FHIT: variants seen among roughly 807,000 people sequenced by gnomAD.
FHIT encodes the protein bis(5'-adenosyl)-triphosphatase.
FHIT carries 19 observed loss-of-function variants against 17.9 expected under a neutral mutation model. That is an observed-to-expected ratio of 1.06 (90% CI 0.74 to 1.56). The LOEUF is 1.56. Ranked by LOEUF, FHIT falls within the 40% of genes most tolerant of loss-of-function variation. The pLI is 0.00. For synonymous variants in FHIT, 81 were observed against 69.7 expected (o/e 1.16, Z -0.81); for missense variants, 248 against 189.2 (o/e 1.31, Z -1.82).
intron 8 of FHIT, among the ~76,000 whole-genome samples, chr3:59,850,547 G>A (rs945289766): frequency 5.3e-5 from 8 of 152,170 alleles, no homozygotes; most frequent in African/African-American, 1.2e-4. Flanking sequence ...ACACACAGAA[G>A]AGAAGCTAAA....
intron 3 of FHIT, among the ~76,000 whole-genome samples, chr3:60,966,136 T>C (rs1352046440): frequency 6.6e-6 from 1 of 152,150 alleles, no homozygotes; most frequent in African/African-American, 2.4e-5. Context: ...GCCTCAGCAA[T>C]TGCGGACACC....
At chr3:60,168,524 G>A (rs749976875) in intron 5 of FHIT, among the ~76,000 whole-genome samples, 7 of 152,176 alleles carry the variant, frequency 4.6e-5, no homozygotes, top group African/African-American at 1.7e-4. Context: ...AGAAGCAGGT[G>A]TCCACTCTGC....
intron 4 of FHIT, among the ~76,000 whole-genome samples, chr3:60,689,229 C>T (rs757774968): frequency 3.3e-5 from 5 of 152,100 alleles, no homozygotes; most frequent in African/African-American, 2.4e-5. Context: ...TCCCCAGCCA[C>T]GTGGAACTGC....
rs1354637337 is a variant in FHIT, at chr3:60,029,897, C to CTGTGTGTGTCTG, written c.104-15746_104-15745insCAGACACACACA. On this transcript the variant is annotated intron_variant, in intron 5 of 9. Coordinates refer to ENST00000492590, the MANE Select transcript of FHIT (RefSeq NM_002012.4). ...AGAAGCATTGTGTGTGTGTGTGTGTCTGTGTGTGTGTGTGTGTGTGTGTGT... is the reference window on the plus strand; with the variant it reads ...AGAAGCATTGTGTGTGTGTGTGTGTCTGTGTGTGTCTGTGTGTGTGTGTGTGTGTGTGTGTGT... 2.7e-3 allele frequency among the ~76,000 whole-genome samples: 345 copies of CTGTGTGTGTCTG among 127,902 alleles called. 2 individuals carry two copies. Among genetic ancestry groups the CTGTGTGTGTCTG allele is most frequent in the African/African-American group, 0.011 (337 of 30,156 alleles). The allele number at this position is 127,902 out of a possible 152,430, so 83.9% of individuals were successfully genotyped here. A position where few individuals can be genotyped will look rare whatever the true frequency, so the allele number is the denominator to read the frequency against.
At chr3:59,750,038 G>A (rs1347660601) in intron 9 of FHIT, 1 of 224,344 alleles carries the variant, frequency 4.5e-6, no homozygotes, top group East Asian at 6.5e-5. Flanking sequence ...AAATCCACAG[G>A]TACTGTGGCA....
intron 8 of FHIT, among the ~76,000 whole-genome samples, chr3:59,907,341 T>C (rs937914715): frequency 2.0e-5 from 3 of 152,210 alleles, no homozygotes; most frequent in Non-Finnish European, 4.4e-5. Flanking sequence ...GGTGTGCCAT[T>C]TCCTTCCTGA....
intron 8 of FHIT, among the ~76,000 whole-genome samples, chr3:59,891,125 TACA>T (rs2107012846): frequency 6.6e-6 from 1 of 152,352 alleles, no homozygotes; most frequent in African/African-American, 2.4e-5. Flanking sequence ...TCCAAGGACT[TACA>T]CACTTTCCTA....
chr3:60,428,398 G>C (rs1357910618), intron 5 of FHIT, among the ~76,000 whole-genome samples: 1 of 152,096 alleles, frequency 6.6e-6, no homozygotes, highest in Non-Finnish European at 1.5e-5. Context: ...GCTTAACAAG[G>C]CCTTCAATTC....
chr3:60,906,555 T>C (rs781908012), intron 3 of FHIT, among the ~76,000 whole-genome samples: 9 of 152,188 alleles, frequency 5.9e-5, no homozygotes, highest in Non-Finnish European at 1.3e-4. Context: ...TGATTCTTGA[T>C]TGGGGTAGGG....
chr3:61,206,569 T>A (rs1420036879), intron 1 of FHIT, among the ~76,000 whole-genome samples: 1 of 152,014 alleles, frequency 6.6e-6, no homozygotes, highest in Non-Finnish European at 1.5e-5. Flanking sequence ...TATTTTATTC[T>A]CTTTGAAGCA....
intron 1 of FHIT, among the ~76,000 whole-genome samples, chr3:61,236,098 A>G (rs1035931027): frequency 4.0e-5 from 6 of 151,428 alleles, no homozygotes; most frequent in East Asian, 3.9e-4. Context: ...AAGAGCCAGG[A>G]AAGTGCTAAG....
chr3:60,946,202 A>T (rs1272986719), intron 3 of FHIT, among the ~76,000 whole-genome samples: 2 of 152,214 alleles, frequency 1.3e-5, no homozygotes, highest in East Asian at 1.9e-4. Context: ...CTGTTGGAGT[A>T]GAGATGCTAA....
chr3:60,622,016 C>G (rs782528038), intron 4 of FHIT, among the ~76,000 whole-genome samples: 43 of 152,042 alleles, frequency 2.8e-4, no homozygotes, highest in Non-Finnish European at 5.3e-4. Flanking sequence ...GATTTGAGCT[C>G]TCTTAGCTAC....
At chr3:60,005,542 T>C (rs937649317) in intron 7 of FHIT, among the ~76,000 whole-genome samples, 1 of 152,132 alleles carries the variant, frequency 6.6e-6, no homozygotes, top group Non-Finnish European at 1.5e-5. Context: ...CACTCCCACA[T>C]GTACACCCAA....
intron 1 of FHIT, among the ~76,000 whole-genome samples, chr3:61,216,122 C>T (rs944546880): frequency 4.6e-5 from 7 of 152,122 alleles, no homozygotes; most frequent in African/African-American, 1.7e-4. Flanking sequence ...GCAATGGCAA[C>T]AAAAGCCAAA....
At chr3:60,115,723 A>C (rs1704927236) in intron 5 of FHIT, among the ~76,000 whole-genome samples, 1 of 152,192 alleles carries the variant, frequency 6.6e-6, no homozygotes, top group Non-Finnish European at 1.5e-5. Context: ...AATACTTGAA[A>C]GACATTAAGA....
chr3:60,436,384 T>C (rs188204985), intron 5 of FHIT, among the ~76,000 whole-genome samples: 1 of 152,224 alleles, frequency 6.6e-6, no homozygotes, highest in Non-Finnish European at 1.5e-5. Flanking sequence ...TTATCAATGA[T>C]AGGCATTCAG....
intron 5 of FHIT, among the ~76,000 whole-genome samples, chr3:60,369,249 G>A (rs562738272): frequency 1.3e-5 from 2 of 152,212 alleles, no homozygotes; most frequent in East Asian, 1.9e-4. Context: ...TGGAATTAGA[G>A]GCATGAGCCA....
intron 1 of FHIT, among the ~76,000 whole-genome samples, chr3:61,204,742 A>G (rs898567310): frequency 6.6e-6 from 1 of 152,220 alleles, no homozygotes; most frequent in Admixed American, 6.5e-5. Context: ...AGGAACCAAA[A>G]AAAAGCTGAC....
Sources: allele counts gnomAD v4.1 joint callset (sites outside exome capture counted in the v4.1 genomes callset), GRCh38; gene constraint gnomAD v4.1.1; transcripts MANE v1.5; gene names NCBI Gene and HGNC (gene_info 2026-07-23, HGNC 2026-07-21).